The following RPRD2 variants were observed in gnomAD, a reference collection of about 807,000 sequenced individuals.
The protein encoded by RPRD2 is regulation of nuclear pre-mRNA domain containing 2.
Under a neutral mutation model 104.4 loss-of-function variants are expected in RPRD2, and 12 were observed. The observed-to-expected ratio is 0.11, with a 90% CI of 0.07 to 0.19. The LOEUF is 0.19. Ranked by LOEUF, RPRD2 falls within the 10% of genes least tolerant of loss-of-function variation. The pLI, the probability that RPRD2 is intolerant of heterozygous loss-of-function variation, is 1.00. For missense variants in RPRD2, 1,543 were observed against 1,790.1 expected, an observed-to-expected ratio of 0.86 and a Z score of 2.49; for synonymous variants, 714 against 684.9, an observed-to-expected ratio of 1.04 and a Z score of -0.66.
intron 1 of RPRD2, among the ~76,000 whole-genome samples, chr1:150,397,290 T>C (rs1553884394): frequency 1.3e-5 from 2 of 152,206 alleles, no homozygotes; most frequent in African/African-American, 4.8e-5. Flanking sequence ...GCAAGTCTTA[T>C]TGATTCTGTT....
intron 1 of RPRD2, among the ~76,000 whole-genome samples, chr1:150,382,425 C>G (rs1290617319): frequency 3.9e-5 from 6 of 152,084 alleles, no homozygotes; most frequent in African/African-American, 7.2e-5. Context: ...GGCTCTGTTG[C>G]CCAGGCTGGA....
At chr1:150,369,441 ATTTTTTTTTT>A (rs58054758) in intron 1 of RPRD2, among the ~76,000 whole-genome samples, 11 of 57,530 alleles carry the variant, frequency 1.9e-4, no homozygotes, top group East Asian at 6.3e-4. Flanking sequence ...CACCTGGCTA[ATTTTTTTTTT>A]TTTTTTTTTT....
intron 7 of RPRD2, among the ~76,000 whole-genome samples, chr1:150,447,793 G>A (rs782550832): frequency 3.3e-5 from 5 of 152,168 alleles, no homozygotes; most frequent in Non-Finnish European, 5.9e-5. Flanking sequence ...GGTCCCACCA[G>A]TCCTACTTCG....
At chr1:150,464,446 A>G (rs75323812) in intron 9 of RPRD2, 81 bp from the exon 10 acceptor site, 43,701 of 1,078,692 alleles carry the variant, frequency 0.041, 1,075 homozygotes, top group Middle Eastern at 0.062. Flanking sequence ...AAATATATCA[A>G]ACTCATTGAA....
chr1:150,399,146 C>T (rs782344735), intron 1 of RPRD2, among the ~76,000 whole-genome samples: 22 of 151,982 alleles, frequency 1.4e-4, no homozygotes, highest in Non-Finnish European at 2.1e-4. Context: ...GGATCACAGA[C>T]GCAAGCCTCC....
chr1:150,383,381 C>T (rs1553881184), intron 1 of RPRD2, among the ~76,000 whole-genome samples: 1 of 142,374 alleles, frequency 7.0e-6, no homozygotes, highest in Non-Finnish European at 1.5e-5. Context: ...GTGGCGCAAT[C>T]TTGGCTCACT....
At chr1:150,405,083 G>C (rs1663362549) in intron 1 of RPRD2, among the ~76,000 whole-genome samples, 1 of 152,116 alleles carries the variant, frequency 6.6e-6, no homozygotes, top group African/African-American at 2.4e-5. Context: ...ATTGATGCTT[G>C]GAGTTTTTCC....
intron 1 of RPRD2, among the ~76,000 whole-genome samples, chr1:150,413,157 G>A (rs1351796924): frequency 1.3e-5 from 2 of 152,022 alleles, no homozygotes; most frequent in African/African-American, 2.4e-5. Context: ...AGACAAGAGG[G>A]GATAAAGTTG....
At chr1:150,408,714 T>C (rs1663681128) in intron 1 of RPRD2, among the ~76,000 whole-genome samples, 1 of 152,256 alleles carries the variant, frequency 6.6e-6, no homozygotes, top group Non-Finnish European at 1.5e-5. Context: ...CATGTACTTA[T>C]TATCCACGTA....
At chr1:150,451,146 A>T (rs1329003026) in intron 7 of RPRD2, among the ~76,000 whole-genome samples, 1 of 152,128 alleles carries the variant, frequency 6.6e-6, no homozygotes, top group Non-Finnish European at 1.5e-5. Context: ...ATTTTGTATA[A>T]TGTTTCCCAG....
At chr1:150,388,497 G>GCC (rs782440726) in intron 1 of RPRD2, among the ~76,000 whole-genome samples, 1 of 90,134 alleles carries the variant, frequency 1.1e-5, no homozygotes. Context: ...ATATACCCGC[G>GCC]CACACACACA....
At chr1:150,381,718 A>T (rs1205544756) in intron 1 of RPRD2, among the ~76,000 whole-genome samples, 1 of 151,722 alleles carries the variant, frequency 6.6e-6, no homozygotes, top group Non-Finnish European at 1.5e-5. Context: ...GTCAGCCAGG[A>T]TGGTCTCGAT....
chr1:150,431,555 G>A (rs1307091216), intron 2 of RPRD2, among the ~76,000 whole-genome samples: 3 of 135,422 alleles, frequency 2.2e-5, no homozygotes, highest in Admixed American at 8.8e-5. Context: ...ATCTCGGCTC[G>A]CTGCAACTTC....
intron 1 of RPRD2, among the ~76,000 whole-genome samples, chr1:150,401,945 GTTTTTTTTTTTAATTT>G (rs1450872043): frequency 7.3e-6 from 1 of 137,260 alleles, no homozygotes; most frequent in Admixed American, 7.2e-5. Context: ...GCCCAGTGGG[GTTTTTTTTTTTAATTT>G]TTTTTTTTTT....
intron 8 of RPRD2, among the ~76,000 whole-genome samples, chr1:150,459,593 CTTTT>C (rs138250082): frequency 2.2e-5 from 3 of 137,830 alleles, no homozygotes; most frequent in African/African-American, 2.6e-5. Flanking sequence ...AAATTGCTTG[CTTTT>C]TTTTTTTTTT....
At chr1:150,383,221 C>T (rs782629280) in intron 1 of RPRD2, among the ~76,000 whole-genome samples, 4 of 151,696 alleles carry the variant, frequency 2.6e-5, no homozygotes, top group Admixed American at 6.6e-5. Flanking sequence ...TCTCGAACTC[C>T]TGGACTCAAG....
rs1010860587 is a variant in RPRD2 at position 150,450,684 on chromosome 1, A to G, written c.870+4283A>G. On this transcript the variant is annotated intron_variant, in intron 7 of 10. Transcript: ENST00000369068. ...CACCCAGGCTAGAGTGCAGTGGCGC[A>G]ATCTCGGCTCACTGCAACCCCCGCC... 8.0e-5 allele frequency among the ~76,000 whole-genome samples: 12 copies of G among 150,584 alleles called. No individual in the cohort carries two copies. In the East Asian group the frequency reaches 2.0e-3, roughly 25 times the overall value.
chr1:150,446,880 G>T (rs1666813985), intron 7 of RPRD2, among the ~76,000 whole-genome samples: 2 of 138,550 alleles, frequency 1.4e-5, no homozygotes, highest in South Asian at 4.4e-4. Flanking sequence ...TTGTTGCCCA[G>T]GCTAGAGTGC....
chr1:150,431,058 T>C (rs1665532926), intron 2 of RPRD2, among the ~76,000 whole-genome samples: 2 of 152,122 alleles, frequency 1.3e-5, no homozygotes, highest in South Asian at 2.1e-4. Context: ...TGTAATGAAA[T>C]TATAAAACAA....
Sources: allele counts gnomAD v4.1 joint callset (sites outside exome capture counted in the v4.1 genomes callset), GRCh38; gene constraint gnomAD v4.1.1; transcripts MANE v1.5; gene names NCBI Gene and HGNC (gene_info 2026-07-23, HGNC 2026-07-21).